RPS15A: variants seen among roughly 807,000 people sequenced by gnomAD.
RPS15A encodes small ribosomal subunit protein uS8.
For synonymous variants in RPS15A, 55 were observed against 58.5 expected, an observed-to-expected ratio of 0.94 and a Z score of 0.27; for missense variants, 62 against 163.4, an observed-to-expected ratio of 0.38 and a Z score of 3.38.
chr16:18,788,043 TGTA>T lies in RPS15A; in HGVS notation c.213+17_213+19del. ...AAAAAATTCTTAAAGCTTTGAAATG[TGTA>T]GATCACTCGTTCTTACCTTGTTTAG... On this transcript the variant is annotated intron_variant, in intron 3 of 4. Coordinates refer to ENST00000322989, the MANE Select transcript of RPS15A (RefSeq NM_001019.5). The T allele has an allele frequency of 6.7e-7, 1 of 1,498,940 alleles. No individual in the cohort carries two copies. The highest frequency in any genetic ancestry group is 9.3e-7 in the Non-Finnish European group (1 of 1,075,260). The allele number at this position is 1,498,940 out of a possible 1,614,324, so 92.9% of individuals were successfully genotyped here.
rs2641891 is a variant in RPS15A at position 18,789,267 on chromosome 16, C to T, written c.-5-149G>A. 5.1e-3 allele frequency: 3,530 copies of T among 691,602 alleles called. 85 individuals carry two copies. The African/African-American group carries it at 0.055, about 11-fold the overall frequency. 42.8% of individuals were successfully genotyped at this position (691,602 alleles called of 1,614,324 possible). On this transcript the variant is annotated intron_variant, in intron 1 of 4. Coordinates refer to ENST00000322989, the MANE Select transcript of RPS15A (RefSeq NM_001019.5). ...AAGCAGGCTGCTTCTCCATTTCCCA[C>T]CACCCAGGAAAATTCCTATTTACTA...
Position 18,782,819 on chromosome 16 carries a change from C to T in RPS15A, c.*190G>A. 1.9e-6 allele frequency: 1 copy of T among 519,524 alleles called. No homozygotes were observed. The highest frequency in any genetic ancestry group is 3.4e-6 in the Non-Finnish European group (1 of 294,030). 32.2% of individuals were successfully genotyped at this position (519,524 alleles called of 1,614,324 possible). A position where few individuals can be genotyped will look rare whatever the true frequency, so the allele number is the denominator to read the frequency against. ...ACAGCAGGGGTGACTGTTTCTTAGGCATACTGGTTTCATAAGAACTTTTTC... is the reference window on the plus strand; with the variant it reads ...ACAGCAGGGGTGACTGTTTCTTAGGTATACTGGTTTCATAAGAACTTTTTC... On this transcript the variant is annotated 3_prime_UTR_variant, in exon 5 of 5. Coordinates refer to ENST00000322989, the MANE Select transcript of RPS15A (RefSeq NM_001019.5).
At chr16:18,789,254 T>A in intron 1 of RPS15A, 136 bp from the exon 2 acceptor site, 1 of 793,588 alleles carries the variant, frequency 1.3e-6, no homozygotes, top group Non-Finnish European at 2.0e-6. Context: ...GCAGGCTGCT[T>A]CTCCATTTCC....
chr16:18,788,054 C>T lies in RPS15A; in HGVS notation c.213+9G>A, dbSNP rs766474941. The T allele has an allele frequency of 2.7e-6, 4 of 1,506,422 alleles. No homozygotes were observed. Among genetic ancestry groups the T allele is most frequent in the South Asian group, 1.2e-5 (1 of 83,650 alleles). The allele number at this position is 1,506,422 out of a possible 1,614,324, so 93.3% of individuals were successfully genotyped here. ...AAAGCTTTGAAATGTGTAGATCACT[C>T]GTTCTTACCTTGTTTAGCCTGCCTG... On this transcript the variant is annotated intron_variant, in intron 3 of 4. Coordinates refer to ENST00000322989, the MANE Select transcript of RPS15A (RefSeq NM_001019.5).
Position 18,789,715 on chromosome 16 carries a change from ACT to A in RPS15A, c.-6+527_-6+528del, listed in dbSNP as rs149414050. The stretch of plus-strand genomic sequence containing the variant: ...ACATTTTACATGCTTGTCAGACTGG[ACT>A]CTCTTCTAATGGGCAAGAACCGCAC... On this transcript the variant is annotated intron_variant, in intron 1 of 4. Transcript: ENST00000322989. Among the ~76,000 whole-genome samples, 1,470 of 152,240 alleles carry A rather than the reference ACT, an allele frequency of 9.7e-3. 20 individuals carry two copies. The highest frequency in any genetic ancestry group is 0.058 in the Middle Eastern group (17 of 294).
chr16:18,783,694 A>G, intron 4 of RPS15A: 4 of 456,086 alleles, frequency 8.8e-6, no homozygotes, highest in East Asian at 6.9e-5. Context: ...CACCAGACGC[A>G]TAATTTGGAG....
In RPS15A at chr16:18,782,293, T is replaced by TTTTAA. The variant is rs1300824571; in HGVS notation, c.*715_*716insTTAAA. The stretch of plus-strand genomic sequence containing the variant: ...CCTGTGTGACAGAGCGACTTTGTCT[T>TTTTAA]AAAAAAAAAAAAAAAAAAAAAAAAA... On this transcript the variant is annotated 3_prime_UTR_variant, in exon 5 of 5. Transcript: ENST00000322989. 1 of 87,952 alleles carries TTTTAA rather than the reference T, an allele frequency of 1.1e-5. No individual in the cohort carries two copies. Among genetic ancestry groups the TTTTAA allele is most frequent in the African/African-American group, 4.2e-5 (1 of 23,806 alleles). The allele number at this position is 87,952 out of a possible 1,614,324, so 5.4% of individuals were successfully genotyped here.
In RPS15A at chr16:18,784,825, TATAAA is replaced by T. The variant is rs1904020767; in HGVS notation, c.214-7_214-3del. 6.3e-7 allele frequency: 1 copy of T among 1,598,916 alleles called. No homozygotes were observed. The highest frequency in any genetic ancestry group is 1.1e-5 in the South Asian group (1 of 88,290). On this transcript the variant is annotated splice_region_variant and splice_polypyrimidine_tract_variant and intron_variant, in intron 3 of 4. Transcript: ENST00000322989. ...AAATCTGGGGCTGATCACCCCACACTATAAAATAACAACAACAACAAAAACATTCT... is the reference window on the plus strand; with the variant it reads ...AAATCTGGGGCTGATCACCCCACACTATAACAACAACAACAAAAACATTCT...
chr16:18,787,105 C>T (rs533750427), intron 3 of RPS15A, among the ~76,000 whole-genome samples: 44 of 152,320 alleles, frequency 2.9e-4, no homozygotes, highest in Middle Eastern at 3.4e-3. Flanking sequence ...CCTCGTGATC[C>T]GCCTGCCTCA....
intron 1 of RPS15A, 112 bp downstream of exon 1, chr16:18,790,132 C>A: frequency 6.6e-6 from 1 of 152,586 alleles, no homozygotes; most frequent in Non-Finnish European, 1.5e-5. Flanking sequence ...CCTGAGTGCA[C>A]AGTCTGGGGC....
chr16:18,788,222 T>C (rs911399417), intron 2 of RPS15A, 80 bp from the exon 3 acceptor site: 4 of 886,560 alleles, frequency 4.5e-6, no homozygotes, highest in African/African-American at 1.6e-5. Flanking sequence ...TACTCAATTC[T>C]TCACTCTCCC....
intron 3 of RPS15A, chr16:18,786,556 T>C (rs1904054112): frequency 6.5e-6 from 1 of 152,710 alleles, no homozygotes; most frequent in South Asian, 2.0e-4. Flanking sequence ...GGTGGGAGGA[T>C]CACTTGAGCC....
In RPS15A at chr16:18,782,584, T is replaced by G. The variant is rs1903982104; in HGVS notation, c.*425A>C. ...CTAAAATATAAAAATTAGCCGGATG[T>G]GGCGACACACACTTGTAATCCCAGT... On this transcript the variant is annotated 3_prime_UTR_variant, in exon 5 of 5. Transcript: ENST00000322989. The G allele has an allele frequency of 6.5e-6, 1 of 155,014 alleles. No homozygotes were observed. The highest frequency in any genetic ancestry group is 1.4e-5 in the Non-Finnish European group (1 of 69,874). The allele number at this position is 155,014 out of a possible 1,614,324, so 9.6% of individuals were successfully genotyped here.
At chr16:18,789,459 C>A (rs1214462090) in intron 1 of RPS15A, among the ~76,000 whole-genome samples, 1 of 152,210 alleles carries the variant, frequency 6.6e-6, no homozygotes, top group Non-Finnish European at 1.5e-5. Flanking sequence ...CAGAAACTGC[C>A]AGCTACCGGA....
At chr16:18,784,257 C>G (rs1904011593) in intron 4 of RPS15A, 1 of 151,498 alleles carries the variant, frequency 6.6e-6, no homozygotes, top group Non-Finnish European at 1.5e-5. Flanking sequence ...CTGTCTCTCT[C>G]TCTTTTTTCT....
At chr16:18,786,376 G>A (rs1904050479) in intron 3 of RPS15A, 1 of 157,638 alleles carries the variant, frequency 6.3e-6, no homozygotes, top group Non-Finnish European at 1.4e-5. Flanking sequence ...AACGGGCAGA[G>A]AGCAGCAGGG....
intron 1 of RPS15A, 96 bp downstream of exon 1, chr16:18,790,148 G>A (rs558797187): frequency 1.7e-4 from 26 of 152,566 alleles, no homozygotes; most frequent in African/African-American, 5.8e-4. Context: ...GGGGCGCCCA[G>A]CCATGGCTCT....
intron 3 of RPS15A, 107 bp downstream of exon 3, chr16:18,787,956 A>T: frequency 1.4e-6 from 1 of 739,844 alleles, no homozygotes; most frequent in East Asian, 2.5e-5. Flanking sequence ...TAACTGGATA[A>T]ATCAAGTATG....
Position 18,789,006 on chromosome 16 carries a change from C to T in RPS15A, c.108G>A (p.Arg36=), listed in dbSNP as rs371943944. ...LIRPCSKVIV[R]FLTVMMKHGY... ...CATGCTTCATCATCACAGTGAGAAA[C>T]CGGACGATGACTTTGGAGCACGGCC... Residue 36 remains arginine (R), a synonymous_variant, in exon 2 of 5, where the codon CGG becomes CGA. Transcript: ENST00000322989. 1 of 1,613,536 alleles carries T rather than the reference C, an allele frequency of 6.2e-7. No individual in the cohort carries two copies.
Sources: allele counts gnomAD v4.1 joint callset (sites outside exome capture counted in the v4.1 genomes callset), GRCh38; gene constraint gnomAD v4.1.1; transcripts MANE v1.5; gene names NCBI Gene and HGNC (gene_info 2026-07-23, HGNC 2026-07-21).